PLD1: variants seen among roughly 807,000 people sequenced by gnomAD.
The protein encoded by PLD1 is phospholipase D1, also known as choline phosphatase 1.
PLD1 carries 112 observed loss-of-function variants against 137.1 expected under a neutral mutation model. The ratio of observed to expected loss-of-function variants is 0.82; its 90% CI spans 0.70 to 0.96. PLD1 has a LOEUF of 0.96. Among genes scored for constraint, PLD1 ranks in the 40% least tolerant of loss-of-function variants. The probability of loss-of-function intolerance (pLI) is 0.00; values close to 1 mark genes in which losing one functional copy is unlikely to be tolerated. For synonymous variants in PLD1, 431 were observed against 454.7 expected (o/e 0.95, Z 0.66); for missense variants, 1,321 against 1,342.0 (o/e 0.98, Z 0.24).
chr3:171,623,218 G>A (rs1733782020), intron 23 of PLD1, among the ~76,000 whole-genome samples: 1 of 151,730 alleles, frequency 6.6e-6, no homozygotes, highest in Non-Finnish European at 1.5e-5. Context: ...TTCTCATGGA[G>A]TTAGATAACC....
chr3:171,774,139 T>C (rs544357822), intron 1 of PLD1, among the ~76,000 whole-genome samples: 5 of 152,282 alleles, frequency 3.3e-5, no homozygotes, highest in South Asian at 4.1e-4. Flanking sequence ...GAGCTGGGAT[T>C]AGAACCCAGG....
chr3:171,764,638 G>A (rs559848864), intron 1 of PLD1, among the ~76,000 whole-genome samples: 6 of 151,808 alleles, frequency 4.0e-5, no homozygotes, highest in Non-Finnish European at 8.8e-5. Flanking sequence ...TGGCAGCACT[G>A]ACAGAGTTCA....
chr3:171,755,296 A>C (rs1318336586), intron 1 of PLD1, among the ~76,000 whole-genome samples: 1 of 151,898 alleles, frequency 6.6e-6, no homozygotes, highest in East Asian at 1.9e-4. Context: ...ACTTGCTGCC[A>C]CTGGCCTCCA....
chr3:171,698,049 T>G (rs1715913287), intron 12 of PLD1, among the ~76,000 whole-genome samples: 2 of 152,078 alleles, frequency 1.3e-5, no homozygotes, highest in South Asian at 4.1e-4. Context: ...GCTGGAAAAA[T>G]GTACTAAAAT....
intron 1 of PLD1, among the ~76,000 whole-genome samples, chr3:171,751,618 CG>C (rs1720666681): frequency 6.6e-6 from 1 of 152,114 alleles, no homozygotes; most frequent in African/African-American, 2.4e-5. Context: ...TTCATTGGAT[CG>C]GAAAATTTTT....
chr3:171,609,507 AACACAC>A (rs371080467), intron 25 of PLD1, among the ~76,000 whole-genome samples: 10,121 of 136,882 alleles, frequency 0.074, 420 homozygotes, highest in African/African-American at 0.092. Context: ...ACATAAAGAA[AACACAC>A]ACACACACAC....
intron 11 of PLD1, among the ~76,000 whole-genome samples, chr3:171,700,315 AACACACAC>A (rs573424146): frequency 7.9e-6 from 1 of 126,866 alleles, no homozygotes; most frequent in African/African-American, 2.8e-5. Flanking sequence ...CACACACACA[AACACACAC>A]ACACACACAC....
chr3:171,630,250 A>C (rs1447371199), intron 23 of PLD1, among the ~76,000 whole-genome samples: 61 of 151,590 alleles, frequency 4.0e-4, no homozygotes, highest in African/African-American at 1.4e-3. Flanking sequence ...GCAGCCAAAA[A>C]ACACATGAAA....
intron 19 of PLD1, among the ~76,000 whole-genome samples, chr3:171,663,171 C>T (rs1711699525): frequency 6.6e-6 from 1 of 152,234 alleles, no homozygotes; most frequent in Non-Finnish European, 1.5e-5. Flanking sequence ...TTCAATCTCA[C>T]ATCTACTTCA....
chr3:171,696,592 G>A (rs1327014538), intron 12 of PLD1, among the ~76,000 whole-genome samples: 1 of 152,068 alleles, frequency 6.6e-6, no homozygotes, highest in Admixed American at 6.5e-5. Flanking sequence ...ACCTGTTAAT[G>A]CAAAAAACAA....
At chr3:171,725,861 A>G in intron 7 of PLD1, 157 bp downstream of exon 7, 1 of 619,132 alleles carries the variant, frequency 1.6e-6, no homozygotes, top group South Asian at 1.9e-5. Flanking sequence ...AGATGCTCTG[A>G]TTTGTATGAA....
chr3:171,733,479 G>A lies in PLD1; in HGVS notation c.571C>T (p.Leu191=), dbSNP rs771794102. 1.5e-6 allele frequency: 2 copies of A among 1,349,928 alleles called. No homozygotes were observed. Among genetic ancestry groups the A allele is most frequent in the South Asian group, 2.4e-5 (2 of 83,930 alleles). The allele number at this position is 1,349,928 out of a possible 1,614,324, so 83.6% of individuals were successfully genotyped here. ...KQLEDYLTKI[L]KMPMYRNYHA... The stretch of plus-strand genomic sequence containing the variant: ...TAGTTTCTATACATGGGCATTTTTA[G>A]TATCTTTGTCAAGTAATCTTCCAGT... The change falls in exon 6 of 27, where the codon CTA becomes TTA. Residue 191 remains leucine (L), a synonymous_variant. Coordinates refer to ENST00000351298, the MANE Select transcript of PLD1 (RefSeq NM_002662.5).
intron 16 of PLD1, 79 bp downstream of exon 16, chr3:171,686,606 C>T (rs1275292031): frequency 1.3e-6 from 1 of 743,002 alleles, no homozygotes; most frequent in African/African-American, 1.8e-5. Flanking sequence ...TCTGGAAACA[C>T]ATTCACTATG....
At chr3:171,729,572 C>A (rs1718780344) in intron 6 of PLD1, among the ~76,000 whole-genome samples, 1 of 152,056 alleles carries the variant, frequency 6.6e-6, no homozygotes, top group Non-Finnish European at 1.5e-5. Context: ...TTATCAGATA[C>A]AAGGAAGGTA....
intron 1 of PLD1, among the ~76,000 whole-genome samples, chr3:171,745,562 C>T (rs1202433406): frequency 6.6e-6 from 1 of 152,252 alleles, no homozygotes; most frequent in Non-Finnish European, 1.5e-5. Flanking sequence ...GCTCCACTGA[C>T]CTCCAACCAG....
At chr3:171,781,002 C>T (rs1722776388) in intron 1 of PLD1, among the ~76,000 whole-genome samples, 1 of 151,982 alleles carries the variant, frequency 6.6e-6, no homozygotes, top group Admixed American at 6.6e-5. Context: ...TTAGAATATC[C>T]AGAGCAACCA....
At chr3:171,643,851 G>A (rs556065894) in intron 22 of PLD1, among the ~76,000 whole-genome samples, 19 of 152,148 alleles carry the variant, frequency 1.2e-4, no homozygotes, top group Admixed American at 1.2e-3. Flanking sequence ...CTAGGCAGAA[G>A]CACCCTGGAG....
At chr3:171,605,549 C>A (rs1481571132) in intron 25 of PLD1, 133 bp from the exon 26 acceptor site, 1 of 639,134 alleles carries the variant, frequency 1.6e-6, no homozygotes, top group Non-Finnish European at 2.8e-6. Context: ...GACCTAGCTA[C>A]TCTCATATCC....
chr3:171,747,075 CAAG>C (rs1005795081), intron 1 of PLD1, among the ~76,000 whole-genome samples: 2 of 152,170 alleles, frequency 1.3e-5, no homozygotes, highest in Admixed American at 1.3e-4. Flanking sequence ...CTGTGGCACT[CAAG>C]GAGCAGGTCT....
Sources: gnomAD v4.1 joint callset for allele counts (sites outside exome capture counted in the v4.1 genomes callset) on GRCh38, gnomAD v4.1.1 for gene constraint, MANE v1.5 for transcripts, NCBI Gene and HGNC (gene_info 2026-07-23, HGNC 2026-07-21) for gene names.